FREM1: variants seen among roughly 807,000 people sequenced by gnomAD.
The protein encoded by FREM1 is FRAS1-related extracellular matrix protein 1.
A neutral mutation model predicts 210.1 loss-of-function variants in FREM1; 220 were observed. The observed-to-expected ratio is 1.05, with a 90% CI of 0.94 to 1.17. The LOEUF is 1.17. Ranked by LOEUF, FREM1 falls within the 50% of genes most tolerant of loss-of-function variation. The pLI is 0.00. For synonymous variants in FREM1, 1,189 were observed against 980.2 expected, an observed-to-expected ratio of 1.21 and a Z score of -3.98; for missense variants, 3,454 against 2,675.5, an observed-to-expected ratio of 1.29 and a Z score of -6.42.
rs1374325054 is a variant in FREM1, at chr9:14,748,638, T to A, written c.5559A>T (p.Gly1853=). The change falls in exon 31 of 37, where the codon GGA becomes GGT. Residue 1853 remains glycine (G), a splice_region_variant and synonymous_variant. Coordinates refer to ENST00000380880, the MANE Select transcript of FREM1 (RefSeq NM_001379081.2). The stretch of plus-strand genomic sequence containing the variant: ...TGGAGGAATATGAAGGATGGCATTG[T>A]CCTGGAGGCATGCAAGATGGCAGGC... ...AAVKILDSKG[G]QCHPSYSSNQ... The A allele has an allele frequency of 1.2e-6, 2 of 1,600,366 alleles. No individual in the cohort carries two copies. The highest frequency in any genetic ancestry group is 2.7e-5 in the African/African-American group (2 of 74,616).
intron 24 of FREM1, among the ~76,000 whole-genome samples, chr9:14,777,805 A>G (rs1460969692): frequency 6.6e-6 from 1 of 152,166 alleles, no homozygotes; most frequent in Non-Finnish European, 1.5e-5. Flanking sequence ...GCTATTAGAT[A>G]GTGTGAAAGC....
intron 13 of FREM1, among the ~76,000 whole-genome samples, chr9:14,820,515 G>C (rs1226995903): frequency 6.6e-6 from 1 of 152,196 alleles, no homozygotes; most frequent in African/African-American, 2.4e-5. Flanking sequence ...AATTGGAAGA[G>C]GAAAGGGAAG....
In FREM1 at chr9:14,747,725, G is replaced by T; in HGVS notation, c.5800C>A (p.Arg1934Ser). The T allele has an allele frequency of 6.5e-7, 1 of 1,538,038 alleles. No homozygotes were observed. Among genetic ancestry groups the T allele is most frequent in the South Asian group, 1.2e-5 (1 of 81,418 alleles). Residue 1934 changes from arginine to serine, a missense_variant, in exon 32 of 37, where the codon CGT becomes AGT. By Grantham distance (110) the Arg-to-Ser change is moderately radical. Transcript: ENST00000380880. Reference protein sequence around the residue: ...LRTRGNGKTVRPSSVYRNGTD... With the variant: ...LRTRGNGKTVSPSSVYRNGTD... Reference sequence around the variant, plus strand: ...CCATTTCTATAAACAGAGGATGGACGAACCTGAAATTGACAGAGAACAAAA... The same window carrying T: ...CCATTTCTATAAACAGAGGATGGACTAACCTGAAATTGACAGAGAACAAAA...
chr9:14,840,140 A>G (rs796526194), intron 10 of FREM1, among the ~76,000 whole-genome samples: 1 of 152,228 alleles, frequency 6.6e-6, no homozygotes, highest in Non-Finnish European at 1.5e-5. Context: ...GAATAGCTCA[A>G]TCATCTATGC....
rs148268603 is a variant in FREM1, at chr9:14,739,044, A to G, written c.6340+1105T>C. Among the ~76,000 whole-genome samples the G allele has an allele frequency of 2.3e-3, 338 of 148,850 alleles. 3 individuals carry two copies. Among genetic ancestry groups the G allele is most frequent in the African/African-American group, 8.0e-3 (325 of 40,584 alleles). On this transcript the variant is annotated intron_variant, in intron 36 of 36. Transcript: ENST00000380880. ...AAAAAAAAAAAGATTTATTATTGTT[A>G]AAACTGTAGAAAATATTAAGACTTC...
At chr9:14,765,817 C>T (rs560060852) in intron 27 of FREM1, among the ~76,000 whole-genome samples, 1 of 152,312 alleles carries the variant, frequency 6.6e-6, no homozygotes, top group South Asian at 2.1e-4. Flanking sequence ...TTATCAAAGA[C>T]TTCTGCATTC....
rs557679523 is a variant in FREM1, at chr9:14,759,822, C to T, written c.5284G>A (p.Glu1762Lys). Residue 1762 changes from glutamate (E) to lysine (K), a missense_variant, in exon 28 of 37, where the codon GAA (glutamate) becomes AAA (lysine). Glu to Lys is a moderately conservative substitution (Grantham distance 56, BLOSUM62 1). Transcript: ENST00000380880. Reference protein sequence around the residue: ...VCENVGLLPLEIIRRGYSMDS... With the variant: ...VCENVGLLPLKIIRRGYSMDS... ...ATGGAATATCCCCTTCTGATAATTT[C>T]CAAGGGCAACAAACCCACATTCTCA... 6.2e-7 allele frequency: 1 copy of T among 1,612,912 alleles called. No individual in the cohort carries two copies. Among genetic ancestry groups the T allele is most frequent in the Admixed American group, 1.7e-5 (1 of 59,948 alleles).
At chr9:14,763,492 C>T (rs905545109) in intron 27 of FREM1, among the ~76,000 whole-genome samples, 1 of 151,994 alleles carries the variant, frequency 6.6e-6, no homozygotes, top group Admixed American at 6.6e-5. Flanking sequence ...AAGACTCCAT[C>T]TCAAAAAAAA....
chr9:14,776,008 C>G lies in FREM1; in HGVS notation c.4638G>C (p.Leu1546Phe). 6.2e-7 allele frequency: 1 copy of G among 1,613,978 alleles called. No homozygotes were observed. The highest frequency in any genetic ancestry group is 8.5e-7 in the Non-Finnish European group (1 of 1,179,876). ...GCTGGCCATGCTGGGGGAGCTGAACCAAGAGGAAGGTGAGGTTCTCCGCAG... is the reference window on the plus strand; with the variant it reads ...GCTGGCCATGCTGGGGGAGCTGAACGAAGAGGAAGGTGAGGTTCTCCGCAG... ...DTPAENLTFL[L>F]VQLPQHGQLY... The change falls in exon 25 of 37, where the codon TTG (leucine) becomes TTC (phenylalanine). Residue 1546 changes from leucine to phenylalanine, a missense_variant. Transcript: ENST00000380880.
chr9:14,800,032 G>C (rs1853236851), intron 20 of FREM1, among the ~76,000 whole-genome samples: 1 of 146,744 alleles, frequency 6.8e-6, no homozygotes, highest in South Asian at 2.1e-4. Context: ...CCAACTATGA[G>C]TGAGAACATG....
chr9:14,863,934 T>G, intron 2 of FREM1, 31 bp from the exon 3 acceptor site: 10 of 1,349,728 alleles, frequency 7.4e-6, no homozygotes, highest in Non-Finnish European at 9.6e-6. Context: ...GATAAATATC[T>G]ATGAGAAAAT....
chr9:14,870,519 A>G (rs963507739), intron 1 of FREM1, among the ~76,000 whole-genome samples: 34 of 152,088 alleles, frequency 2.2e-4, no homozygotes, highest in African/African-American at 8.0e-4. Flanking sequence ...AATGCCTTTT[A>G]TTATGCTCTG....
chr9:14,756,374 C>A lies in FREM1; in HGVS notation c.5407G>T (p.Gly1803Ter). Residue 1803 changes from glycine to a stop codon, truncating the protein, a stop_gained and splice_region_variant, in exon 29 of 37, where the codon GGA (glycine) becomes TGA (stop). Coordinates refer to ENST00000380880, the MANE Select transcript of FREM1 (RefSeq NM_001379081.2). LOFTEE classifies it high-confidence loss of function. ...IPSKLIQFDP[G>*]MSTKMWNIAI... ...AACAAACTGCAGACACAAAATGTACCTGGGTCAAACTGAATCAGTTTAGAT... is the reference window on the plus strand; with the variant it reads ...AACAAACTGCAGACACAAAATGTACATGGGTCAAACTGAATCAGTTTAGAT... The A allele has an allele frequency of 6.3e-7, 1 of 1,584,034 alleles. No homozygotes were observed.
At chr9:14,777,725 A>G (rs554980387) in intron 24 of FREM1, among the ~76,000 whole-genome samples, 11 of 152,194 alleles carry the variant, frequency 7.2e-5, no homozygotes, top group Middle Eastern at 3.4e-3. Flanking sequence ...CAATCCCTTT[A>G]TTCTTTGTGA....
At chr9:14,798,777 G>A (rs887907648) in intron 20 of FREM1, among the ~76,000 whole-genome samples, 8 of 152,024 alleles carry the variant, frequency 5.3e-5, no homozygotes, top group African/African-American at 9.7e-5. Flanking sequence ...GGGTTCAAGC[G>A]ATTCTCATGC....
intron 24 of FREM1, among the ~76,000 whole-genome samples, chr9:14,783,438 G>A (rs188939892): frequency 6.3e-4 from 96 of 152,316 alleles, no homozygotes; most frequent in East Asian, 1.9e-3. Flanking sequence ...AATTGCACCA[G>A]GAACCAAAAG....
Position 14,825,636 on chromosome 9 carries a change from C to T in FREM1, c.1882-644G>A, listed in dbSNP as rs1488150751. Among the ~76,000 whole-genome samples the T allele has an allele frequency of 3.4e-5, 5 of 147,384 alleles. No homozygotes were observed. The South Asian group carries it at 8.7e-4, about 26-fold the overall frequency. ...GGGCACATAAAACACAAAATATGTT[C>T]CTGGTTTTATTTTTACATCTCTCTT... On this transcript the variant is annotated intron_variant, in intron 10 of 36. Coordinates refer to ENST00000380880, the MANE Select transcript of FREM1 (RefSeq NM_001379081.2).
Position 14,868,810 on chromosome 9 carries a change from A to T in FREM1, c.168T>A (p.Asp56Glu). 1 of 1,613,130 alleles carries T rather than the reference A, an allele frequency of 6.2e-7. No homozygotes were observed. Among genetic ancestry groups the T allele is most frequent in the Non-Finnish European group, 8.5e-7 (1 of 1,179,546 alleles). Residue 56 changes from aspartate to glutamate, a missense_variant, in exon 2 of 37, where the codon GAT becomes GAA. Coordinates refer to ENST00000380880, the MANE Select transcript of FREM1 (RefSeq NM_001379081.2). ...TCATCACAACTTCCACTTTGCAGGC[A>T]TCTTTCTCTTTAGGGATGGCAAACT... is the stretch of plus-strand genomic sequence containing the variant. ...DLKFAIPKEK[D>E]ACKVEVVMNE...
At position 14,851,454 on chromosome 9, in the gene FREM1, G is replaced by C. The variant is rs761361279; in HGVS notation, c.982C>G (p.Pro328Ala). The change falls in exon 6 of 37, where the codon CCT (proline) becomes GCT (alanine). Residue 328 changes from proline (P) to alanine (A), a missense_variant. Physicochemically the swap from Pro to Ala is conservative, Grantham distance 27. Coordinates refer to ENST00000380880, the MANE Select transcript of FREM1 (RefSeq NM_001379081.2). ...ATGTTGAACACCAGCAAGGGTTTAGGGGTCTCATCTTCTTCACAGTCCAGA... is the reference window on the plus strand; with the variant it reads ...ATGTTGAACACCAGCAAGGGTTTAGCGGTCTCATCTTCTTCACAGTCCAGA... ...SVLDCEEDETPKPLLVFNITK... is the reference protein window; with the variant it reads ...SVLDCEEDETAKPLLVFNITK... 1.7e-5 allele frequency: 28 copies of C among 1,613,950 alleles called. No individual in the cohort carries two copies. In the South Asian group the frequency reaches 3.0e-4, roughly 17 times the overall value.
Sources: gnomAD v4.1 joint callset for allele counts (sites outside exome capture counted in the v4.1 genomes callset) on GRCh38, gnomAD v4.1.1 for gene constraint, MANE v1.5 for transcripts, NCBI Gene and HGNC (gene_info 2026-07-23, HGNC 2026-07-21) for gene names.